Variants in GABRB2 observed in about 807,000 individuals in gnomAD.
GABRB2 encodes gamma-aminobutyric acid type A receptor subunit beta2.
In GABRB2, 16 loss-of-function variants were observed where a neutral mutation model predicts 54.7. That is an observed-to-expected ratio of 0.29 (90% CI 0.20 to 0.44). The LOEUF is 0.44. Ranked by LOEUF, GABRB2 falls within the 20% of genes least tolerant of loss-of-function variation. GABRB2 has a pLI of 1.00. For synonymous variants in GABRB2, 244 were observed against 233.8 expected (o/e 1.04, Z -0.40); for missense variants, 355 against 644.0 (o/e 0.55, Z 4.86).
At chr5:161,405,067 T>C (rs1272711966) in intron 5 of GABRB2, among the ~76,000 whole-genome samples, 1 of 152,110 alleles carries the variant, frequency 6.6e-6, no homozygotes, top group African/African-American at 2.4e-5. Flanking sequence ...TTACCATTAG[T>C]TAATTTTGTC....
At position 161,532,416 on chromosome 5, in the gene GABRB2, C is replaced by A. The variant is rs150556932; in HGVS notation, c.237+12811G>T. Among the ~76,000 whole-genome samples, 169 of 152,158 alleles carry A rather than the reference C, an allele frequency of 1.1e-3. 1 individual carries two copies. The highest frequency in any genetic ancestry group is 3.8e-3 in the African/African-American group (157 of 41,524). On this transcript the variant is annotated intron_variant, in intron 3 of 9. Coordinates refer to ENST00000393959, the MANE Select transcript of GABRB2 (RefSeq NM_001371727.1). ...CAAATTTCACTATAAAACTACTATTCCTAAAACAGCGATCCTCCCAGAGAC... is the reference window on the plus strand; with the variant it reads ...CAAATTTCACTATAAAACTACTATTACTAAAACAGCGATCCTCCCAGAGAC...
At chr5:161,373,279 C>T (rs1482891178) in intron 5 of GABRB2, among the ~76,000 whole-genome samples, 1 of 152,204 alleles carries the variant, frequency 6.6e-6, no homozygotes, top group Non-Finnish European at 1.5e-5. Context: ...ACTGTCCCCA[C>T]ACATTCCCAC....
chr5:161,477,012 T>G (rs1466482605), intron 3 of GABRB2, among the ~76,000 whole-genome samples: 1 of 151,786 alleles, frequency 6.6e-6, no homozygotes, highest in Non-Finnish European at 1.5e-5. Flanking sequence ...TGGGAGAAAA[T>G]ACTTGTAAAT....
At chr5:161,348,225 T>A in intron 5 of GABRB2, among the ~76,000 whole-genome samples, 1 of 152,072 alleles carries the variant, frequency 6.6e-6, no homozygotes, top group East Asian at 1.9e-4. Context: ...TGTTAGGAAT[T>A]AAAACATAAA....
intron 5 of GABRB2, among the ~76,000 whole-genome samples, chr5:161,371,403 G>T (rs1036535563): frequency 6.6e-6 from 1 of 152,090 alleles, no homozygotes; most frequent in Non-Finnish European, 1.5e-5. Context: ...CTAAGGAGAA[G>T]ATACAATTCA....
intron 3 of GABRB2, among the ~76,000 whole-genome samples, chr5:161,519,408 C>G (rs148358715): frequency 2.0e-5 from 3 of 152,152 alleles, no homozygotes; most frequent in African/African-American, 7.2e-5. Context: ...CATGACTTTA[C>G]GAAGAAGGCT....
chr5:161,460,673 A>G (rs1758098104), intron 3 of GABRB2, among the ~76,000 whole-genome samples: 2 of 152,190 alleles, frequency 1.3e-5, no homozygotes, highest in African/African-American at 2.4e-5. Flanking sequence ...CATTAAATAT[A>G]TAATTTGTAT....
At chr5:161,332,153 A>T (rs191638943) in intron 7 of GABRB2, among the ~76,000 whole-genome samples, 1 of 140,412 alleles carries the variant, frequency 7.1e-6, no homozygotes, top group Non-Finnish European at 1.5e-5. Flanking sequence ...GCCACACAGC[A>T]AGACTCCGTC....
intron 4 of GABRB2, among the ~76,000 whole-genome samples, chr5:161,433,098 C>T (rs965084503): frequency 6.6e-6 from 1 of 152,042 alleles, no homozygotes; most frequent in Non-Finnish European, 1.5e-5. Context: ...CAAAAAAATT[C>T]ACAGATATAA....
intron 9 of GABRB2, among the ~76,000 whole-genome samples, chr5:161,299,525 G>A (rs153300): frequency 0.12 from 17,772 of 152,152 alleles, 1,139 homozygotes; most frequent in Non-Finnish European, 0.14. Context: ...TGAAGAGTCT[G>A]TGATCTAATG....
At chr5:161,404,698 T>C (rs1198382569) in intron 5 of GABRB2, among the ~76,000 whole-genome samples, 4 of 152,122 alleles carry the variant, frequency 2.6e-5, no homozygotes, top group African/African-American at 7.2e-5. Flanking sequence ...CAACAGACCA[T>C]CAGCAAAACA....
chr5:161,413,916 A>G (rs1756591105), intron 4 of GABRB2, among the ~76,000 whole-genome samples: 1 of 152,216 alleles, frequency 6.6e-6, no homozygotes, highest in Non-Finnish European at 1.5e-5. Flanking sequence ...TGTTCACGGC[A>G]ACTAGCATCC....
intron 5 of GABRB2, among the ~76,000 whole-genome samples, chr5:161,387,375 T>C (rs1561632391): frequency 1.3e-5 from 2 of 152,174 alleles, no homozygotes. Flanking sequence ...CTGTGCTCAC[T>C]GAAGCATTCT....
intron 3 of GABRB2, among the ~76,000 whole-genome samples, chr5:161,488,093 C>T (rs2113345384): frequency 6.6e-6 from 1 of 151,924 alleles, no homozygotes; most frequent in Non-Finnish European, 1.5e-5. Flanking sequence ...ATCATTGTTC[C>T]TCCTCTATGG....
At chr5:161,479,270 C>A (rs1034969536) in intron 3 of GABRB2, among the ~76,000 whole-genome samples, 3 of 152,036 alleles carry the variant, frequency 2.0e-5, no homozygotes, top group African/African-American at 7.2e-5. Flanking sequence ...ACTGAATGCA[C>A]AAACAGGCCA....
At chr5:161,491,503 G>A (rs763409527) in intron 3 of GABRB2, among the ~76,000 whole-genome samples, 1 of 151,630 alleles carries the variant, frequency 6.6e-6, no homozygotes, top group African/African-American at 2.4e-5. Context: ...CATCTGATAA[G>A]AACGGTACTG....
intron 4 of GABRB2, among the ~76,000 whole-genome samples, chr5:161,422,063 T>C (rs568672126): frequency 1.3e-5 from 2 of 152,246 alleles, no homozygotes; most frequent in South Asian, 4.1e-4. Flanking sequence ...TTGCACATAC[T>C]GGCAGGAGGA....
intron 5 of GABRB2, among the ~76,000 whole-genome samples, chr5:161,360,876 T>A (rs1754788869): frequency 1.3e-5 from 2 of 149,126 alleles, no homozygotes; most frequent in African/African-American, 2.5e-5. Context: ...CTATGGGAAA[T>A]GGAAGAAAAA....
At chr5:161,396,974 AT>A (rs1756021083) in intron 5 of GABRB2, among the ~76,000 whole-genome samples, 1 of 152,190 alleles carries the variant, frequency 6.6e-6, no homozygotes, top group African/African-American at 2.4e-5. Context: ...GAGATGATAA[AT>A]GTAAAGAGCT....
Sources: gnomAD v4.1 joint callset for allele counts (sites outside exome capture counted in the v4.1 genomes callset) on GRCh38, gnomAD v4.1.1 for gene constraint, MANE v1.5 for transcripts, NCBI Gene and HGNC (gene_info 2026-07-23, HGNC 2026-07-21) for gene names.